ARHGEF3: variants seen among roughly 807,000 people sequenced by gnomAD.
The protein encoded by ARHGEF3 is Rho guanine nucleotide exchange factor 3.
ARHGEF3 carries 28 observed loss-of-function variants against 63.2 expected under a neutral mutation model. That is an observed-to-expected ratio of 0.44 (90% CI 0.33 to 0.61). ARHGEF3 has a LOEUF of 0.61. Ranked by LOEUF, ARHGEF3 falls within the 20% of genes least tolerant of loss-of-function variation. The pLI is 0.03. For synonymous variants in ARHGEF3, 266 were observed against 254.2 expected, an observed-to-expected ratio of 1.05 and a Z score of -0.44; for missense variants, 533 against 659.3, an observed-to-expected ratio of 0.81 and a Z score of 2.10.
intron 7 of ARHGEF3, among the ~76,000 whole-genome samples, chr3:56,741,639 G>A (rs2034045942): frequency 6.6e-6 from 1 of 151,606 alleles, no homozygotes; most frequent in Non-Finnish European, 1.5e-5. Context: ...AAGTAGCTGG[G>A]ACTACAGGCG....
intron 2 of ARHGEF3, among the ~76,000 whole-genome samples, chr3:56,972,858 G>A (rs895617015): frequency 1.3e-5 from 2 of 152,006 alleles, no homozygotes; most frequent in Non-Finnish European, 2.9e-5. Flanking sequence ...TAAAAGGATT[G>A]CTGTCAATGT....
At chr3:56,763,599 C>T (rs1271896451) in intron 2 of ARHGEF3, among the ~76,000 whole-genome samples, 2 of 152,148 alleles carry the variant, frequency 1.3e-5, no homozygotes, top group African/African-American at 2.4e-5. Flanking sequence ...GAGAGCCTCA[C>T]ATGCAGAGTT....
At chr3:57,042,577 T>C (rs1704230819) in intron 1 of ARHGEF3, among the ~76,000 whole-genome samples, 1 of 146,260 alleles carries the variant, frequency 6.8e-6, no homozygotes, top group African/African-American at 2.5e-5. Context: ...CGGCAAATCA[T>C]GGCTCCCCGC....
At chr3:56,756,699 G>A (rs1339349086) in intron 2 of ARHGEF3, among the ~76,000 whole-genome samples, 2 of 151,940 alleles carry the variant, frequency 1.3e-5, no homozygotes, top group East Asian at 1.9e-4. Context: ...ACAGGCGCCC[G>A]CCACCACGCC....
intron 2 of ARHGEF3, among the ~76,000 whole-genome samples, chr3:56,757,076 G>C (rs556505809): frequency 1.3e-5 from 2 of 152,174 alleles, no homozygotes; most frequent in Non-Finnish European, 2.9e-5. Flanking sequence ...CATCACAAAG[G>C]CATTCTAAGG....
At chr3:56,990,200 G>A (rs905121504) in intron 2 of ARHGEF3, among the ~76,000 whole-genome samples, 2 of 152,234 alleles carry the variant, frequency 1.3e-5, no homozygotes, top group African/African-American at 2.4e-5. Context: ...GAGAATACCA[G>A]AGGTGGGGTA....
intron 3 of ARHGEF3, among the ~76,000 whole-genome samples, chr3:56,938,264 A>T (rs1319321872): frequency 6.6e-6 from 1 of 152,152 alleles, no homozygotes; most frequent in African/African-American, 2.4e-5. Context: ...AGGCCCAAAA[A>T]TCAAGGAAGA....
chr3:56,792,233 C>A (rs1298352097), intron 1 of ARHGEF3, among the ~76,000 whole-genome samples: 2 of 152,160 alleles, frequency 1.3e-5, no homozygotes, highest in African/African-American at 4.8e-5. Context: ...TTGATTGCAA[C>A]ATGCCTGTCC....
intron 4 of ARHGEF3, among the ~76,000 whole-genome samples, chr3:56,847,298 G>A (rs568475085): frequency 2.7e-4 from 41 of 152,276 alleles, no homozygotes; most frequent in Admixed American, 5.2e-4. Context: ...CAACCAAATT[G>A]AGGCATAATT....
At chr3:56,994,082 A>AAAAAAAAAAAAAAAAAAAAAC (rs1433202567) in intron 2 of ARHGEF3, among the ~76,000 whole-genome samples, 1 of 144,242 alleles carries the variant, frequency 6.9e-6, no homozygotes, top group Non-Finnish European at 1.5e-5. Context: ...AAAAAAAAAA[A>AAAAAAAAAAAAAAAAAAAAAC]AAAGCACACT....
intron 3 of ARHGEF3, among the ~76,000 whole-genome samples, chr3:56,904,131 G>A (rs1476158219): frequency 1.3e-5 from 2 of 152,170 alleles, no homozygotes; most frequent in Non-Finnish European, 2.9e-5. Flanking sequence ...CCCAGCTTAA[G>A]CTATCCTCCC....
intron 3 of ARHGEF3, among the ~76,000 whole-genome samples, chr3:56,953,447 G>C (rs1028911797): frequency 2.6e-4 from 39 of 152,154 alleles, no homozygotes; most frequent in African/African-American, 8.9e-4. Flanking sequence ...TTAGGAGTGG[G>C]CTCCATTATT....
At chr3:56,895,052 C>A (rs1191268417) in intron 3 of ARHGEF3, among the ~76,000 whole-genome samples, 1 of 152,202 alleles carries the variant, frequency 6.6e-6, no homozygotes, top group Non-Finnish European at 1.5e-5. Context: ...CCCTGAATAC[C>A]TGCATGTCCC....
At chr3:57,014,892 A>C (rs1304182982) in intron 2 of ARHGEF3, among the ~76,000 whole-genome samples, 1 of 152,086 alleles carries the variant, frequency 6.6e-6, no homozygotes, top group Non-Finnish European at 1.5e-5. Context: ...TCACCGTGTT[A>C]GCCAGGATGG....
At chr3:56,861,717 T>C (rs2040078090) in intron 4 of ARHGEF3, among the ~76,000 whole-genome samples, 1 of 152,118 alleles carries the variant, frequency 6.6e-6, no homozygotes, top group Non-Finnish European at 1.5e-5. Context: ...GTTCAGGGCC[T>C]TGCAGGGAGC....
chr3:56,731,934 T>A, intron 9 of ARHGEF3: 1 of 559,974 alleles, frequency 1.8e-6, no homozygotes, highest in Non-Finnish European at 3.2e-6. Flanking sequence ...TTTTATCCAA[T>A]GGAAAAAGAC....
intron 2 of ARHGEF3, among the ~76,000 whole-genome samples, chr3:56,770,346 G>A (rs1028529481): frequency 2.0e-5 from 3 of 152,102 alleles, no homozygotes; most frequent in Admixed American, 1.3e-4. Context: ...GGAGGCGCAG[G>A]TGGAGGTGAG....
intron 2 of ARHGEF3, among the ~76,000 whole-genome samples, chr3:56,762,666 A>G (rs1367916360): frequency 6.6e-6 from 1 of 152,208 alleles, no homozygotes; most frequent in Non-Finnish European, 1.5e-5. Flanking sequence ...AAAGTATTCA[A>G]GCCAAGGAAA....
chr3:56,860,279 G>A (rs2040029876), intron 4 of ARHGEF3, among the ~76,000 whole-genome samples: 2 of 152,060 alleles, frequency 1.3e-5, no homozygotes, highest in African/African-American at 2.4e-5. Flanking sequence ...CTGGGCTCAC[G>A]TGATCCTCCT....
Sources: gnomAD v4.1 joint callset for allele counts (sites outside exome capture counted in the v4.1 genomes callset) on GRCh38, gnomAD v4.1.1 for gene constraint, MANE v1.5 for transcripts, NCBI Gene and HGNC (gene_info 2026-07-23, HGNC 2026-07-21) for gene names.